PPP6R2: variants seen among roughly 807,000 people sequenced by gnomAD.
PPP6R2 encodes the protein serine/threonine-protein phosphatase 6 regulatory subunit 2.
In PPP6R2, 62 loss-of-function variants were observed where a neutral mutation model predicts 100.2. That is an observed-to-expected ratio of 0.62 (90% confidence interval 0.50 to 0.76). The LOEUF (loss-of-function observed/expected upper bound fraction) is 0.76, where lower values mean the gene tolerates loss of function less well. Ranked by LOEUF, PPP6R2 falls within the 30% of genes least tolerant of loss-of-function variation. The pLI, the probability that PPP6R2 is intolerant of heterozygous loss-of-function variation, is 0.00. For missense variants in PPP6R2, 1,142 were observed against 1,276.3 expected (o/e 0.89, Z 1.60); for synonymous variants, 525 against 514.7 (o/e 1.02, Z -0.27).
At chr22:50,332,844 G>A in the PPP6R2 span, among the ~76,000 whole-genome samples, 139 of 152,130 alleles carry the variant, frequency 9.1e-4, no homozygotes, top group African/African-American at 3.2e-3. Context: ...GGATGGTCTT[G>A]ATCTCTTGAC....
intron 1 of PPP6R2, among the ~76,000 whole-genome samples, chr22:50,359,683 C>T (rs1016429870): frequency 1.3e-5 from 2 of 152,138 alleles, no homozygotes; most frequent in African/African-American, 4.8e-5. Context: ...ATTAAATCCC[C>T]TGTGGTATGG....
intron 12 of PPP6R2, among the ~76,000 whole-genome samples, chr22:50,432,537 C>G (rs1187961916): frequency 6.6e-6 from 1 of 152,152 alleles, no homozygotes; most frequent in Non-Finnish European, 1.5e-5. Context: ...GGAGGGGACA[C>G]AGGGAGCCGA....
intron 10 of PPP6R2, among the ~76,000 whole-genome samples, chr22:50,429,246 G>T (rs1174014755): frequency 3.3e-5 from 5 of 152,174 alleles, no homozygotes; most frequent in Non-Finnish European, 7.3e-5. Flanking sequence ...GGCCAGGCTG[G>T]TCTTGAACTC....
rs2148334974 is a variant in PPP6R2, at chr22:50,438,292, G to A, written c.1958G>A (p.Arg653Lys). ...CGCTGTGCTGCCCGGGTGATGGCCA[G>A]ACCCAGGTGCGGGGCCTGCCCATCC... The part of the protein sequence containing the change: ...DTRCAARVMA[R>K]PRFGAPHASE... The change falls in exon 18 of 24, where the codon AGA (arginine) becomes AAA (lysine). Residue 653 changes from arginine to lysine, a missense_variant. This residue lies in a region of PPP6R2 where 550 missense variants were observed against 517.4 expected (regional missense o/e 1.06). Transcript: ENST00000612753. The A allele has an allele frequency of 6.2e-7, 1 of 1,611,884 alleles. No homozygotes were observed. The highest frequency in any genetic ancestry group is 1.7e-4 in the Middle Eastern group (1 of 6,044).
chr22:50,338,386 T>C (rs1440926331), upstream of PPP6R2, among the ~76,000 whole-genome samples: 2 of 141,834 alleles, frequency 1.4e-5, no homozygotes, highest in Non-Finnish European at 3.0e-5. Flanking sequence ...GTATATAGTG[T>C]CTGTGGTATG....
At chr22:50,356,944 CAAAA>C (rs954296803) in intron 1 of PPP6R2, among the ~76,000 whole-genome samples, 10 of 146,702 alleles carry the variant, frequency 6.8e-5, no homozygotes, top group Non-Finnish European at 3.0e-5. Flanking sequence ...AAAAAAAAAA[CAAAA>C]AAGCAAAAAC....
intron 18 of PPP6R2, 133 bp from the exon 19 acceptor site, chr22:50,438,466 C>G: frequency 7.0e-7 from 1 of 1,423,222 alleles, no homozygotes; most frequent in Non-Finnish European, 9.6e-7. Context: ...AGAGCTGAGG[C>G]CTGGAGCGTC....
chr22:50,351,030 T>TG (rs2045028761), intron 1 of PPP6R2, among the ~76,000 whole-genome samples: 1 of 106,154 alleles, frequency 9.4e-6, no homozygotes, highest in East Asian at 3.1e-4. Flanking sequence ...AACAGTGTTT[T>TG]TTTTTTTTTT....
intron 5 of PPP6R2, among the ~76,000 whole-genome samples, chr22:50,415,574 G>C (rs953669135): frequency 2.6e-5 from 4 of 152,256 alleles, no homozygotes; most frequent in Non-Finnish European, 5.9e-5. Context: ...AGGAATTTAG[G>C]CACAGGGCGC....
At chr22:50,342,619 TC>T (rs2042530891), upstream of PPP6R2, among the ~76,000 whole-genome samples, 1 of 152,222 alleles carries the variant, frequency 6.6e-6, no homozygotes, top group Non-Finnish European at 1.5e-5. Flanking sequence ...CGTTTAGAGA[TC>T]CCTTAAGTGC....
At chr22:50,413,252 C>T (rs58552619) in intron 4 of PPP6R2, among the ~76,000 whole-genome samples, 2,914 of 151,952 alleles carry the variant, frequency 0.019, 94 homozygotes, top group African/African-American at 0.066. Flanking sequence ...CGTGAGCCAC[C>T]GCACCTGGCC....
intron 10 of PPP6R2, among the ~76,000 whole-genome samples, chr22:50,426,445 A>G (rs5770942): frequency 0.38 from 58,475 of 152,006 alleles, 11,686 homozygotes; most frequent in East Asian, 0.67. Flanking sequence ...TTAGGTCTTT[A>G]ATCCATTTTG....
intron 19 of PPP6R2, 103 bp downstream of exon 19, chr22:50,438,865 G>T (rs1389231562): frequency 1.9e-5 from 23 of 1,194,750 alleles, no homozygotes; most frequent in Non-Finnish European, 2.3e-5. Flanking sequence ...AGGCATTTGG[G>T]GCTCACTGTG....
At chr22:50,441,880 C>T (rs1437110309) in intron 22 of PPP6R2, among the ~76,000 whole-genome samples, 1 of 152,138 alleles carries the variant, frequency 6.6e-6, no homozygotes, top group South Asian at 2.1e-4. Context: ...ATGCCAGGGC[C>T]AGGTAAACCT....
intron 3 of PPP6R2, among the ~76,000 whole-genome samples, chr22:50,402,328 CTTT>C (rs566570369): frequency 5.2e-5 from 7 of 134,972 alleles, no homozygotes; most frequent in Admixed American, 1.5e-4. Flanking sequence ...ACCCCAGTTT[CTTT>C]TTTTTTTTTT....
chr22:50,431,532 C>A lies in PPP6R2; in HGVS notation c.1335+150C>A. On this transcript the variant is annotated intron_variant, in intron 11 of 23. Coordinates refer to ENST00000612753, the MANE Select transcript of PPP6R2 (RefSeq NM_001242898.2). The surrounding 1 kb of genome is among the most constrained non-coding windows in gnomAD (Gnocchi z 4.8). ...GTCCCCAGGTGTCTGGTCAGACGCTCGTAGACAGTGGGGCTTGAGTGGGTC... is the reference window on the plus strand; with the variant it reads ...GTCCCCAGGTGTCTGGTCAGACGCTAGTAGACAGTGGGGCTTGAGTGGGTC... 1.4e-6 allele frequency: 1 copy of A among 693,310 alleles called. No homozygotes were observed. The highest frequency in any genetic ancestry group is 2.4e-6 in the Non-Finnish European group (1 of 418,614). The allele number at this position is 693,310 out of a possible 1,614,324, so 42.9% of individuals were successfully genotyped here.
At chr22:50,418,251 G>A (rs1482169753) in intron 6 of PPP6R2, among the ~76,000 whole-genome samples, 1 of 152,030 alleles carries the variant, frequency 6.6e-6, no homozygotes, top group Non-Finnish European at 1.5e-5. Flanking sequence ...ATAGTTCAAT[G>A]CAGCTTTAAA....
At chr22:50,398,785 G>T (rs2057544166) in intron 3 of PPP6R2, among the ~76,000 whole-genome samples, 2 of 152,130 alleles carry the variant, frequency 1.3e-5, no homozygotes, top group Admixed American at 6.6e-5. Flanking sequence ...AAAGTGCTAG[G>T]ATAGTGCTAA....
intron 11 of PPP6R2, among the ~76,000 whole-genome samples, 163 bp from the exon 12 acceptor site, chr22:50,432,102 G>A (rs1362731848): frequency 6.6e-6 from 1 of 152,180 alleles, no homozygotes; most frequent in Non-Finnish European, 1.5e-5. Flanking sequence ...CTGGTGTTTG[G>A]TGAGGACCGC....
Sources: gnomAD v4.1 joint callset for allele counts (sites outside exome capture counted in the v4.1 genomes callset) on GRCh38, gnomAD v4.1.1 for gene constraint, gnomAD v4.1.1 regional missense constraint, Gnocchi (gnomAD v3.1) non-coding constraint, MANE v1.5 for transcripts, NCBI Gene and HGNC (gene_info 2026-07-23, HGNC 2026-07-21) for gene names.